The following KCNIP4 variants were observed in gnomAD, a reference collection of about 807,000 sequenced individuals.
The protein encoded by KCNIP4 is potassium voltage-gated channel interacting protein 4.
Under a neutral mutation model 34.0 loss-of-function variants are expected in KCNIP4, and 12 were observed. That is an observed-to-expected ratio of 0.35 (90% CI 0.23 to 0.57). The LOEUF (loss-of-function observed/expected upper bound fraction) is 0.57. Among genes scored for constraint, KCNIP4 ranks in the 20% least tolerant of loss-of-function variants. KCNIP4 has a pLI of 0.83. For missense variants in KCNIP4, 238 were observed against 311.7 expected (o/e 0.76, Z 1.78); for synonymous variants, 124 against 102.2 (o/e 1.21, Z -1.29).
intron 2 of KCNIP4, among the ~76,000 whole-genome samples, chr4:20,868,024 T>TA (rs1228346726): frequency 1.7e-4 from 8 of 47,230 alleles, no homozygotes; most frequent in South Asian, 6.3e-4. Flanking sequence ...ATAATAATAA[T>TA]AAAAAAAAGA....
chr4:21,945,320 A>T (rs1021979621), intron 1 of KCNIP4, among the ~76,000 whole-genome samples: 4 of 152,138 alleles, frequency 2.6e-5, no homozygotes. Flanking sequence ...CTGGGGAGAG[A>T]GGGTGGCTGA....
chr4:21,292,967 A>T (rs932124553), intron 1 of KCNIP4, among the ~76,000 whole-genome samples: 1 of 152,208 alleles, frequency 6.6e-6, no homozygotes, highest in Non-Finnish European at 1.5e-5. Context: ...GAATGAATGA[A>T]TATCTATGAC....
At chr4:21,685,369 G>A (rs1750725007) in intron 1 of KCNIP4, among the ~76,000 whole-genome samples, 1 of 152,134 alleles carries the variant, frequency 6.6e-6, no homozygotes, top group Non-Finnish European at 1.5e-5. Flanking sequence ...TTTTTCCAAT[G>A]AGGAAACTGA....
chr4:21,117,426 C>T (rs930317715), intron 1 of KCNIP4, among the ~76,000 whole-genome samples: 1 of 150,998 alleles, frequency 6.6e-6, no homozygotes, highest in African/African-American at 2.4e-5. Flanking sequence ...TGCATTAATG[C>T]ATGACCTCCC....
At chr4:21,258,543 T>C (rs113342403) in intron 1 of KCNIP4, among the ~76,000 whole-genome samples, 1,639 of 152,314 alleles carry the variant, frequency 0.011, 26 homozygotes, top group African/African-American at 0.036. Context: ...AATCAGTTTC[T>C]TATATCTTTA....
rs992350613 is a variant in KCNIP4 at position 21,038,683 on chromosome 4, G to A, written c.62-155974C>T. Among the ~76,000 whole-genome samples, 5 of 152,220 alleles carry A rather than the reference G, an allele frequency of 3.3e-5. No individual in the cohort carries two copies. In the South Asian group the frequency reaches 8.3e-4, roughly 25 times the overall value. On this transcript the variant is annotated intron_variant, in intron 1 of 8. Coordinates refer to ENST00000382152, the MANE Select transcript of KCNIP4 (RefSeq NM_025221.6). ...ATTAAAGTCTCAGAAAATAGGATAAGTTATAAATATTGGCTTTCCATATGT... is the reference window on the plus strand; with the variant it reads ...ATTAAAGTCTCAGAAAATAGGATAAATTATAAATATTGGCTTTCCATATGT...
At chr4:21,025,473 T>TGA (rs33926876) in intron 1 of KCNIP4, among the ~76,000 whole-genome samples, 3,740 of 94,872 alleles carry the variant, frequency 0.039, 94 homozygotes, top group African/African-American at 0.046. Context: ...TGAAAACAAC[T>TGA]GAGAGAGAGA....
intron 1 of KCNIP4, among the ~76,000 whole-genome samples, chr4:21,085,191 T>G (rs1335534297): frequency 1.3e-5 from 2 of 152,004 alleles, no homozygotes; most frequent in Non-Finnish European, 2.9e-5. Context: ...TGAATAGAAT[T>G]AAAGCTCTTA....
intron 1 of KCNIP4, among the ~76,000 whole-genome samples, chr4:21,388,484 T>G (rs1210247986): frequency 6.6e-6 from 1 of 152,090 alleles, no homozygotes; most frequent in Non-Finnish European, 1.5e-5. Flanking sequence ...TCTTTTTATC[T>G]TTTTATAACA....
chr4:21,747,642 C>G (rs774801692), intron 1 of KCNIP4, among the ~76,000 whole-genome samples: 1 of 152,078 alleles, frequency 6.6e-6, no homozygotes, highest in Non-Finnish European at 1.5e-5. Context: ...CCAATCAAAA[C>G]TACAGGACTC....
At chr4:20,920,776 G>A (rs1729319446) in intron 1 of KCNIP4, among the ~76,000 whole-genome samples, 1 of 152,146 alleles carries the variant, frequency 6.6e-6, no homozygotes, top group Non-Finnish European at 1.5e-5. Flanking sequence ...TGGATCACAA[G>A]GTCAGGAGTT....
chr4:21,923,486 C>T (rs1253477449), intron 1 of KCNIP4, among the ~76,000 whole-genome samples: 2 of 152,102 alleles, frequency 1.3e-5, no homozygotes, highest in Non-Finnish European at 2.9e-5. Flanking sequence ...GAGGCTGAGG[C>T]AGGAGAATTG....
intron 1 of KCNIP4, among the ~76,000 whole-genome samples, chr4:21,925,792 C>T (rs371156319): frequency 7.2e-5 from 11 of 152,090 alleles, no homozygotes; most frequent in Non-Finnish European, 1.0e-4. Flanking sequence ...CAAGACCCCA[C>T]GATAAGAGAG....
chr4:21,254,961 A>AG (rs2109087705), intron 1 of KCNIP4, among the ~76,000 whole-genome samples: 2 of 152,230 alleles, frequency 1.3e-5, no homozygotes, highest in African/African-American at 4.8e-5. Context: ...CAGACTCATC[A>AG]ACTGATGAAC....
At chr4:20,862,041 A>G (rs908846751) in intron 2 of KCNIP4, among the ~76,000 whole-genome samples, 1 of 150,974 alleles carries the variant, frequency 6.6e-6, no homozygotes, top group South Asian at 2.1e-4. Flanking sequence ...CCCAGGCTGG[A>G]GTGCAATAGT....
chr4:21,333,697 A>AG (rs1715878210), intron 1 of KCNIP4, among the ~76,000 whole-genome samples: 1 of 138,724 alleles, frequency 7.2e-6, no homozygotes, highest in Non-Finnish European at 1.5e-5. Context: ...AATTAAAAAG[A>AG]AAAAAAAAGT....
At chr4:21,105,102 C>T (rs1325559753) in intron 1 of KCNIP4, among the ~76,000 whole-genome samples, 2 of 151,376 alleles carry the variant, frequency 1.3e-5, no homozygotes, top group African/African-American at 2.4e-5. Flanking sequence ...CCATATGAAC[C>T]TTAAAGTAGT....
chr4:21,831,701 G>T (rs1297233047), intron 1 of KCNIP4, among the ~76,000 whole-genome samples: 2 of 144,648 alleles, frequency 1.4e-5, no homozygotes, highest in African/African-American at 5.1e-5. Flanking sequence ...GGACCTGATG[G>T]TTTCACTGGT....
chr4:20,737,023 G>A (rs975162580), intron 5 of KCNIP4, among the ~76,000 whole-genome samples: 8 of 152,124 alleles, frequency 5.3e-5, no homozygotes, highest in East Asian at 1.9e-4. Context: ...ATTGATTTTC[G>A]ATAATGGTGC....
Sources: allele counts gnomAD v4.1 joint callset (sites outside exome capture counted in the v4.1 genomes callset), GRCh38; gene constraint gnomAD v4.1.1; transcripts MANE v1.5; gene names NCBI Gene and HGNC (gene_info 2026-07-23, HGNC 2026-07-21).